The following CTNNA3 variants were observed in gnomAD, a reference collection of about 807,000 sequenced individuals.
CTNNA3 encodes the protein catenin alpha-3.
A neutral mutation model predicts 95.7 loss-of-function variants in CTNNA3; 76 were observed. That is an observed-to-expected ratio of 0.79 (90% CI 0.66 to 0.96). The LOEUF is 0.96. CTNNA3 is among the 40% of genes least tolerant of loss of function. CTNNA3 has a pLI of 0.00. For missense variants in CTNNA3, 1,191 were observed against 1,089.8 expected, an observed-to-expected ratio of 1.09 and a Z score of -1.31; for synonymous variants, 431 against 374.4, an observed-to-expected ratio of 1.15 and a Z score of -1.74.
intron 10 of CTNNA3, among the ~76,000 whole-genome samples, chr10:66,617,667 C>T (rs1430082147): frequency 6.6e-6 from 1 of 152,120 alleles, no homozygotes; most frequent in Non-Finnish European, 1.5e-5. Context: ...GGGATGCCCT[C>T]TCTCACCACT....
chr10:66,559,415 G>C (rs76791305), intron 10 of CTNNA3, among the ~76,000 whole-genome samples: 8,652 of 131,682 alleles, frequency 0.066, 330 homozygotes, highest in African/African-American at 0.12. Context: ...CCTCCTTCCA[G>C]AGGACATTTT....
At chr10:67,558,366 T>C (rs1268411106) in intron 3 of CTNNA3, among the ~76,000 whole-genome samples, 2 of 152,214 alleles carry the variant, frequency 1.3e-5, no homozygotes, top group African/African-American at 4.8e-5. Flanking sequence ...CACCCACCCC[T>C]TTTTCTCTCA....
intron 12 of CTNNA3, among the ~76,000 whole-genome samples, chr10:66,361,793 C>T (rs1027991807): frequency 6.6e-6 from 1 of 152,030 alleles, no homozygotes; most frequent in African/African-American, 2.4e-5. Flanking sequence ...CTTCCTCAGC[C>T]CCCCAAAGTG....
intron 9 of CTNNA3, among the ~76,000 whole-genome samples, chr10:66,719,434 A>T (rs1848556055): frequency 6.6e-6 from 1 of 152,218 alleles, no homozygotes; most frequent in Non-Finnish European, 1.5e-5. Flanking sequence ...AGCAAAAGAT[A>T]TACTTAATTA....
intron 10 of CTNNA3, among the ~76,000 whole-genome samples, chr10:66,545,085 G>A (rs1196163247): frequency 6.6e-6 from 1 of 151,886 alleles, no homozygotes; most frequent in East Asian, 1.9e-4. Flanking sequence ...AAGTTGAACG[G>A]GTAGGATATT....
At chr10:67,232,338 G>A (rs538585347) in intron 5 of CTNNA3, among the ~76,000 whole-genome samples, 26 of 152,244 alleles carry the variant, frequency 1.7e-4, no homozygotes, top group African/African-American at 5.5e-4. Context: ...CAAGCCAGAA[G>A]AGAGTGGGGG....
At chr10:66,972,637 C>G (rs1317539972) in intron 7 of CTNNA3, among the ~76,000 whole-genome samples, 2 of 149,630 alleles carry the variant, frequency 1.3e-5, no homozygotes, top group African/African-American at 4.9e-5. Context: ...AAGACATGAA[C>G]ATAAGCAAAC....
At chr10:67,260,648 G>C (rs1318362140) in intron 5 of CTNNA3, among the ~76,000 whole-genome samples, 2 of 151,780 alleles carry the variant, frequency 1.3e-5, no homozygotes, top group Non-Finnish European at 2.9e-5. Context: ...ATCATAACAT[G>C]CTACGTGACT....
At chr10:67,599,768 T>C (rs545195282) in intron 3 of CTNNA3, among the ~76,000 whole-genome samples, 1 of 152,292 alleles carries the variant, frequency 6.6e-6, no homozygotes, top group African/African-American at 2.4e-5. Flanking sequence ...ATGTTTTTAA[T>C]CAGAAGACTC....
intron 5 of CTNNA3, among the ~76,000 whole-genome samples, chr10:67,382,627 G>C (rs563471583): frequency 3.0e-4 from 46 of 152,278 alleles, no homozygotes; most frequent in African/African-American, 1.1e-3. Flanking sequence ...ATACATGTAT[G>C]TGTATATGCC....
chr10:66,015,896 A>T (rs2133406680), intron 15 of CTNNA3, among the ~76,000 whole-genome samples: 1 of 152,304 alleles, frequency 6.6e-6, no homozygotes, highest in East Asian at 1.9e-4. Context: ...CATATATATG[A>T]AAATATGCAG....
chr10:66,384,717 C>T (rs528778268), intron 11 of CTNNA3, among the ~76,000 whole-genome samples: 20 of 151,832 alleles, frequency 1.3e-4, no homozygotes, highest in East Asian at 5.8e-4. Flanking sequence ...CAAATCTAAA[C>T]GAAAAGAAAT....
intron 15 of CTNNA3, among the ~76,000 whole-genome samples, chr10:66,012,000 T>C (rs950937400): frequency 1.3e-5 from 2 of 152,134 alleles, no homozygotes; most frequent in Non-Finnish European, 2.9e-5. Flanking sequence ...GAAAGACCAT[T>C]TTGGGAACAG....
At chr10:66,889,642 G>A (rs1482433461) in intron 7 of CTNNA3, among the ~76,000 whole-genome samples, 1 of 152,140 alleles carries the variant, frequency 6.6e-6, no homozygotes, top group Non-Finnish European at 1.5e-5. Context: ...GATTGGAGCT[G>A]AATTTTAGAG....
chr10:67,008,884 A>C (rs542515407), intron 7 of CTNNA3, among the ~76,000 whole-genome samples: 1 of 152,298 alleles, frequency 6.6e-6, no homozygotes, highest in Non-Finnish European at 1.5e-5. Flanking sequence ...ATGAGGGTTT[A>C]TACTATCTTG....
chr10:66,366,624 C>A (rs1157327787), intron 12 of CTNNA3, among the ~76,000 whole-genome samples: 3 of 152,022 alleles, frequency 2.0e-5, no homozygotes, highest in African/African-American at 4.8e-5. Context: ...TCTGCTGGTG[C>A]CTTGATCTTG....
intron 4 of CTNNA3, 30 bp downstream of exon 4, chr10:67,539,473 C>T: frequency 6.2e-7 from 1 of 1,607,960 alleles, no homozygotes; most frequent in Non-Finnish European, 8.5e-7. Context: ...GAAGACAATG[C>T]CAAGGTAAAC....
chr10:67,377,447 T>C lies in CTNNA3; in HGVS notation c.579+144395A>G, dbSNP rs1843736057. 2.0e-5 allele frequency among the ~76,000 whole-genome samples: 3 copies of C among 152,328 alleles called. No homozygotes were observed. In the South Asian group the frequency reaches 6.2e-4, roughly 32 times the overall value. Reference sequence around the variant, plus strand: ...GGAAATTCTATGAAGTACTTTTCTATTATAAACTTGAATTTCTCATCCTAA... The same window carrying C: ...GGAAATTCTATGAAGTACTTTTCTACTATAAACTTGAATTTCTCATCCTAA... On this transcript the variant is annotated intron_variant, in intron 5 of 17. Coordinates refer to ENST00000433211, the MANE Select transcript of CTNNA3 (RefSeq NM_013266.4).
chr10:66,974,917 A>G (rs1849945742), intron 7 of CTNNA3, among the ~76,000 whole-genome samples: 1 of 152,184 alleles, frequency 6.6e-6, no homozygotes, highest in South Asian at 2.1e-4. Flanking sequence ...TTAAGGAGAA[A>G]AAAGTATTCC....
Sources: allele counts gnomAD v4.1 joint callset (sites outside exome capture counted in the v4.1 genomes callset), GRCh38; gene constraint gnomAD v4.1.1; transcripts MANE v1.5; gene names NCBI Gene and HGNC (gene_info 2026-07-23, HGNC 2026-07-21).